PALD1: variants seen among roughly 807,000 people sequenced by gnomAD.
PALD1 encodes the protein phosphatase domain containing paladin 1, also known as paladin.
A neutral mutation model predicts 96.0 loss-of-function variants in PALD1; 57 were observed. The ratio of observed to expected loss-of-function variants is 0.59; its 90% CI spans 0.48 to 0.74. The LOEUF (loss-of-function observed/expected upper bound fraction) is 0.74. PALD1 is among the 30% of genes least tolerant of loss of function. The pLI is 0.00. For missense variants in PALD1, 1,063 were observed against 1,143.7 expected (o/e 0.93, Z 1.02); for synonymous variants, 464 against 473.6 (o/e 0.98, Z 0.26).
At chr10:70,546,455 T>A (rs879797206) in intron 17 of PALD1, among the ~76,000 whole-genome samples, 7 of 152,178 alleles carry the variant, frequency 4.6e-5, no homozygotes, top group African/African-American at 7.2e-5. Flanking sequence ...ACTTCTTGAT[T>A]GTGGCTCTCC....
intron 1 of PALD1, among the ~76,000 whole-genome samples, chr10:70,494,772 C>T (rs1846161904): frequency 6.6e-6 from 1 of 152,298 alleles, no homozygotes; most frequent in Non-Finnish European, 1.5e-5. Flanking sequence ...TGGAAGGGGA[C>T]TGGTCATGTC....
intron 9 of PALD1, 94 bp downstream of exon 9, chr10:70,534,618 C>T (rs112210196): frequency 0.012 from 13,801 of 1,140,720 alleles, 169 homozygotes; most frequent in East Asian, 0.043. Context: ...CCGATACCCT[C>T]CCCTACCTCT....
intron 1 of PALD1, among the ~76,000 whole-genome samples, chr10:70,508,812 TGTGTGTGC>T (rs1306331491): frequency 1.0e-4 from 9 of 87,528 alleles, no homozygotes; most frequent in Admixed American, 2.2e-4. Flanking sequence ...TGTGTGTGTG[TGTGTGTGC>T]AGGCCTGTGG....
chr10:70,564,602 A>G (rs1847806758), intron 19 of PALD1, 83 bp downstream of exon 19: 4 of 1,375,330 alleles, frequency 2.9e-6, no homozygotes, highest in Non-Finnish European at 4.0e-6. Flanking sequence ...GTGCCTGTAC[A>G]TGGCCTGCGG....
intron 1 of PALD1, among the ~76,000 whole-genome samples, chr10:70,486,941 C>G (rs1178362593): frequency 6.6e-6 from 1 of 151,998 alleles, no homozygotes; most frequent in African/African-American, 2.4e-5. Context: ...CAGCCCAAGG[C>G]CTGGTGGGAA....
At chr10:70,549,013 TC>T (rs79156387) in intron 18 of PALD1, among the ~76,000 whole-genome samples, 41,801 of 124,344 alleles carry the variant, frequency 0.34, 6,784 homozygotes, top group Middle Eastern at 0.46. Flanking sequence ...GTTTGAGACC[TC>T]CCTGGGCAAC....
Position 70,566,554 on chromosome 10 carries a change from C to T in PALD1, c.2419-27C>T, listed in dbSNP as rs1381345313. Reference sequence around the variant, plus strand: ...GTGGCACCCTCCCTCCCCTGAAACACTGCTCCTGCCTCTGCTCTCCTCCCA... The same window carrying T: ...GTGGCACCCTCCCTCCCCTGAAACATTGCTCCTGCCTCTGCTCTCCTCCCA... On this transcript the variant is annotated intron_variant, in intron 19 of 19. Coordinates refer to ENST00000263563, the MANE Select transcript of PALD1 (RefSeq NM_014431.3). 4 of 1,579,452 alleles carry T rather than the reference C, an allele frequency of 2.5e-6. No individual in the cohort carries two copies. In the Admixed American group the frequency reaches 5.3e-5, roughly 21 times the overall value.
At chr10:70,460,822 G>A in the PALD1 span, among the ~76,000 whole-genome samples, 137 of 152,306 alleles carry the variant, frequency 9.0e-4, no homozygotes, top group African/African-American at 2.6e-3. Context: ...TTGGGAGGCC[G>A]AGGCGGGCGG....
At chr10:70,505,975 C>T (rs554162873) in intron 1 of PALD1, among the ~76,000 whole-genome samples, 23 of 151,996 alleles carry the variant, frequency 1.5e-4, no homozygotes, top group East Asian at 5.8e-4. Flanking sequence ...GAACCGTGAT[C>T]GTGCCACTGC....
chr10:70,491,767 G>T (rs1016498285), intron 1 of PALD1, among the ~76,000 whole-genome samples: 1 of 152,072 alleles, frequency 6.6e-6, no homozygotes, highest in Admixed American at 6.5e-5. Context: ...CCCTCCCCCA[G>T]CCTTGGCAAC....
rs537695030 is a variant in PALD1, at chr10:70,536,990, A to C, written c.1228-821A>C. Reference sequence around the variant, plus strand: ...GCTGTCAGCTGTGTGACTTTAAGGAAGTTACCTCATTTCTCTGAATCTCCG... The same window carrying C: ...GCTGTCAGCTGTGTGACTTTAAGGACGTTACCTCATTTCTCTGAATCTCCG... On this transcript the variant is annotated intron_variant, in intron 10 of 19. Coordinates refer to ENST00000263563, the MANE Select transcript of PALD1 (RefSeq NM_014431.3). 8.5e-5 allele frequency among the ~76,000 whole-genome samples: 13 copies of C among 152,282 alleles called. No homozygotes were observed. The South Asian group carries it at 1.7e-3, about 19-fold the overall frequency.
rs760864166 is a variant in PALD1 at position 70,539,081 on chromosome 10, C to T, written c.1570-11C>T. 2.5e-6 allele frequency: 4 copies of T among 1,613,674 alleles called. No homozygotes were observed. The highest frequency in any genetic ancestry group is 2.7e-5 in the African/African-American group (2 of 74,946). ...GGGCTGAGCACTCACTGCCGGCCCT[C>T]CTGTGCCCAGGCCCTGGGGAGCATC... On this transcript the variant is annotated splice_polypyrimidine_tract_variant and intron_variant, in intron 13 of 19. Transcript: ENST00000263563. The surrounding 1 kb of genome is among the most constrained non-coding windows in gnomAD (Gnocchi z 4.5).
intron 1 of PALD1, among the ~76,000 whole-genome samples, chr10:70,507,521 A>T (rs1479562187): frequency 6.6e-6 from 1 of 152,210 alleles, no homozygotes; most frequent in East Asian, 1.9e-4. Flanking sequence ...ACCTGGGCTC[A>T]AGTGATCCTC....
intron 18 of PALD1, among the ~76,000 whole-genome samples, chr10:70,555,605 G>C (rs1278295254): frequency 1.3e-5 from 2 of 152,258 alleles, no homozygotes; most frequent in African/African-American, 4.8e-5. Flanking sequence ...GGAGGTCAGA[G>C]AGACCAGCTC....
At chr10:70,502,361 C>T (rs1846316059) in intron 1 of PALD1, among the ~76,000 whole-genome samples, 1 of 152,156 alleles carries the variant, frequency 6.6e-6, no homozygotes, top group Non-Finnish European at 1.5e-5. Flanking sequence ...ATCCATGATA[C>T]ATTCAGCTTC....
In PALD1 at chr10:70,541,139, T is replaced by C; in HGVS notation, c.1946T>C (p.Leu649Pro). ...DQLLEALRAA[L>P]SKDPGTGFVF... ...CTGCTGGAGGCCCTGCGGGCCGCCC[T>C]CTCCAAGGACCCAGGCACTGGCTTC... is the stretch of plus-strand genomic sequence containing the variant. The change falls in exon 16 of 20, where the codon CTC becomes CCC. Residue 649 changes from leucine to proline, a missense_variant. Coordinates refer to ENST00000263563, the MANE Select transcript of PALD1 (RefSeq NM_014431.3). 1 of 1,612,820 alleles carries C rather than the reference T, an allele frequency of 6.2e-7. No homozygotes were observed. The highest frequency in any genetic ancestry group is 8.5e-7 in the Non-Finnish European group (1 of 1,179,486).
Position 70,567,463 on chromosome 10 carries a change from A to G in PALD1, c.*730A>G, listed in dbSNP as rs1039105837. The G allele has an allele frequency of 6.5e-6, 1 of 152,786 alleles. No individual in the cohort carries two copies. The highest frequency in any genetic ancestry group is 6.5e-5 in the Admixed American group (1 of 15,290). The allele number at this position is 152,786 out of a possible 1,614,324, so 9.5% of individuals were successfully genotyped here. A position where few individuals can be genotyped will look rare whatever the true frequency, so the allele number is the denominator to read the frequency against. On this transcript the variant is annotated 3_prime_UTR_variant, in exon 20 of 20. Transcript: ENST00000263563. ...AGCTTCCAGGGGGCGAACGCAGCACAGAGGAAGAGGCCTGCTCCACTTGTC... is the reference window on the plus strand; with the variant it reads ...AGCTTCCAGGGGGCGAACGCAGCACGGAGGAAGAGGCCTGCTCCACTTGTC...
chr10:70,504,588 A>G (rs975308432), intron 1 of PALD1, among the ~76,000 whole-genome samples: 3 of 152,246 alleles, frequency 2.0e-5, no homozygotes, highest in Admixed American at 6.5e-5. Flanking sequence ...ATGTGGTAAC[A>G]TAAATAAAAT....
At chr10:70,532,360 C>A (rs1049768622) in intron 5 of PALD1, among the ~76,000 whole-genome samples, 1 of 152,246 alleles carries the variant, frequency 6.6e-6, no homozygotes, top group Non-Finnish European at 1.5e-5. Context: ...ACACCTCCCC[C>A]GTCCTGGCAC....
Sources: allele counts gnomAD v4.1 joint callset (sites outside exome capture counted in the v4.1 genomes callset), GRCh38; gene constraint gnomAD v4.1.1; non-coding constraint Gnocchi (gnomAD v3.1); transcripts MANE v1.5; gene names NCBI Gene and HGNC (gene_info 2026-07-23, HGNC 2026-07-21).